Variants in MB observed in about 807,000 individuals in gnomAD.
MB encodes the protein myoglobin.
A neutral mutation model predicts 14.5 loss-of-function variants in MB; 10 were observed. That is an observed-to-expected ratio of 0.69 (90% CI 0.43 to 1.17). The LOEUF (loss-of-function observed/expected upper bound fraction) is 1.17, where lower values mean the gene tolerates loss of function less well. MB is among the 50% of genes most tolerant of loss of function. The pLI is 0.00. For missense variants in MB, 169 were observed against 192.7 expected, an observed-to-expected ratio of 0.88 and a Z score of 0.73; for synonymous variants, 89 against 78.6, an observed-to-expected ratio of 1.13 and a Z score of -0.70.
upstream of MB, among the ~76,000 whole-genome samples, chr22:35,617,822 G>A (rs145950175): frequency 8.1e-3 from 1,228 of 152,238 alleles, 6 homozygotes; most frequent in Non-Finnish European, 0.012. Flanking sequence ...GGAACCGGAT[G>A]GTTTTGTGCT....
chr22:35,613,797 C>T (rs1272475155), intron 1 of MB, among the ~76,000 whole-genome samples: 1 of 152,164 alleles, frequency 6.6e-6, no homozygotes, highest in East Asian at 1.9e-4. Flanking sequence ...CCCACCCCAC[C>T]CCATATTTAC....
At chr22:35,620,267 G>GA (rs1923378345), upstream of MB, among the ~76,000 whole-genome samples, 1 of 152,230 alleles carries the variant, frequency 6.6e-6, no homozygotes, top group Non-Finnish European at 1.5e-5. Context: ...CCGGGAGGCA[G>GA]AGGTTGCAGT....
At chr22:35,612,200 C>G (rs1318091184) in intron 1 of MB, among the ~76,000 whole-genome samples, 2 of 152,142 alleles carry the variant, frequency 1.3e-5, no homozygotes, top group Admixed American at 1.3e-4. Flanking sequence ...TTTTATGATA[C>G]CCAGGCTCTG....
chr22:35,613,133 C>G (rs1055192219), intron 1 of MB, among the ~76,000 whole-genome samples: 2 of 152,216 alleles, frequency 1.3e-5, no homozygotes, highest in African/African-American at 2.4e-5. Context: ...GACAATGATC[C>G]TTGAACTCCC....
intron 1 of MB, among the ~76,000 whole-genome samples, chr22:35,616,141 C>T (rs886673108): frequency 3.9e-5 from 6 of 152,178 alleles, no homozygotes; most frequent in East Asian, 3.8e-4. Context: ...GTGGCAACCC[C>T]GGCGCCCACT....
In MB at chr22:35,617,224, G is replaced by A. The variant is rs201387929; in HGVS notation, c.34C>T (p.Leu12=). 4 of 1,614,008 alleles carry A rather than the reference G, an allele frequency of 2.5e-6. No individual in the cohort carries two copies. The highest frequency in any genetic ancestry group is 1.1e-5 in the South Asian group (1 of 91,080). Residue 12 remains leucine, a synonymous_variant, in exon 1 of 3, where the codon CTG becomes TTG. Transcript: ENST00000397326. ...GCCTCCACCTTCCCCCAGACGTTCA[G>A]CACCAACTGCCATTCCCCGTCGCTG... ...GLSDGEWQLV[L]NVWGKVEADI... is the part of the protein sequence containing the mutation.
At chr22:35,617,904 T>G (rs908038176), upstream of MB, among the ~76,000 whole-genome samples, 2 of 152,210 alleles carry the variant, frequency 1.3e-5, no homozygotes, top group South Asian at 4.2e-4. Flanking sequence ...TGCTCAAAGG[T>G]TTCCCTCTGA....
intron 1 of MB, among the ~76,000 whole-genome samples, chr22:35,614,410 A>G (rs1569120880): frequency 6.6e-6 from 1 of 152,084 alleles, no homozygotes; most frequent in Non-Finnish European, 1.5e-5. Context: ...CAACATGGCG[A>G]AACCTAGTCT....
At chr22:35,616,412 A>G (rs1377442639) in intron 1 of MB, among the ~76,000 whole-genome samples, 4 of 152,152 alleles carry the variant, frequency 2.6e-5, no homozygotes, top group Non-Finnish European at 5.9e-5. Flanking sequence ...AGACCTCTCA[A>G]ACTAGAGACA....
chr22:35,619,363 C>T (rs1391645732), upstream of MB, among the ~76,000 whole-genome samples: 1 of 152,214 alleles, frequency 6.6e-6, no homozygotes. Context: ...CACCACCCCG[C>T]TTTACAGCTG....
chr22:35,614,997 C>T (rs1922959525), intron 1 of MB, among the ~76,000 whole-genome samples: 1 of 152,190 alleles, frequency 6.6e-6, no homozygotes, highest in African/African-American at 2.4e-5. Context: ...TCAGCAGCCC[C>T]CTCCCTTCCG....
At chr22:35,611,870 C>T (rs575379366) in intron 1 of MB, among the ~76,000 whole-genome samples, 3 of 152,178 alleles carry the variant, frequency 2.0e-5, no homozygotes, top group Non-Finnish European at 2.9e-5. Flanking sequence ...CAGCTTTAGA[C>T]CTCAGTCCTT....
At chr22:35,618,885 C>T (rs750976151), upstream of MB, among the ~76,000 whole-genome samples, 2 of 151,772 alleles carry the variant, frequency 1.3e-5, no homozygotes, top group Admixed American at 1.3e-4. Context: ...ATCCATCTAT[C>T]CATCCATCAC....
upstream of MB, among the ~76,000 whole-genome samples, chr22:35,619,813 T>C (rs1418872520): frequency 2.6e-5 from 4 of 152,198 alleles, no homozygotes; most frequent in African/African-American, 7.2e-5. Context: ...CATTCTAGGA[T>C]TGCCATGAGC....
chr22:35,618,873 C>T (rs765209647), upstream of MB, among the ~76,000 whole-genome samples: 19 of 148,638 alleles, frequency 1.3e-4, no homozygotes, highest in Admixed American at 4.1e-4. Flanking sequence ...ATCCCTCCCT[C>T]CATCCATCTA....
Position 35,607,418 on chromosome 22 carries a change from A to C in MB, c.344T>G (p.Val115Gly). ...LEFISECIIQ[V>G]LQSKHPGDFG... ...GTCCCCGGGATGCTTGCTCTGCAGA[A>C]CCTGGATGATGCATTCCGAGATGAA... The change falls in exon 3 of 3, where the codon GTT becomes GGT. Residue 115 changes from valine to glycine, a missense_variant. Coordinates refer to ENST00000397326, the MANE Select transcript of MB (RefSeq NM_005368.3). The C allele has an allele frequency of 6.2e-7, 1 of 1,614,004 alleles. No homozygotes were observed. Among genetic ancestry groups the C allele is most frequent in the Non-Finnish European group, 8.5e-7 (1 of 1,179,880 alleles).
intron 1 of MB, among the ~76,000 whole-genome samples, chr22:35,614,403 C>T (rs1922895751): frequency 6.6e-6 from 1 of 151,148 alleles, no homozygotes; most frequent in East Asian, 1.9e-4. Context: ...GCCTGGCCAA[C>T]ATGGCGAAAC....
upstream of MB, among the ~76,000 whole-genome samples, chr22:35,621,243 G>A (rs1213791161): frequency 2.0e-5 from 3 of 152,144 alleles, no homozygotes; most frequent in African/African-American, 4.8e-5. Flanking sequence ...ACGAATGCAG[G>A]GCACATTAGT....
chr22:35,611,760 A>G (rs978667013), intron 1 of MB, among the ~76,000 whole-genome samples: 4 of 152,050 alleles, frequency 2.6e-5, no homozygotes, highest in African/African-American at 7.3e-5. Context: ...GAGGTGCCCC[A>G]GAGGCCTCTG....
Sources: allele counts gnomAD v4.1 joint callset (sites outside exome capture counted in the v4.1 genomes callset), GRCh38; gene constraint gnomAD v4.1.1; transcripts MANE v1.5; gene names NCBI Gene and HGNC (gene_info 2026-07-23, HGNC 2026-07-21).